The following TG variants were observed in gnomAD, a reference collection of about 807,000 sequenced individuals.
TG encodes thyroid hormones.
In TG, 270 loss-of-function variants were observed where a neutral mutation model predicts 324.7. That is an observed-to-expected ratio of 0.83 (90% CI 0.75 to 0.92). The LOEUF (loss-of-function observed/expected upper bound fraction) is 0.92. TG is among the 40% of genes least tolerant of loss of function. The probability of loss-of-function intolerance (pLI) is 0.00; values close to 1 mark genes in which losing one functional copy is unlikely to be tolerated. For synonymous variants in TG, 1,401 were observed against 1,327.0 expected (o/e 1.06, Z -1.21); for missense variants, 3,591 against 3,456.4 (o/e 1.04, Z -0.98).
chr8:133,033,584 G>T (rs1216981809), intron 41 of TG, among the ~76,000 whole-genome samples: 1 of 152,118 alleles, frequency 6.6e-6, no homozygotes, highest in African/African-American at 2.4e-5. Context: ...CTCCATTCCT[G>T]CATGAATCCT....
chr8:132,950,760 C>G (rs1825994636), intron 27 of TG, among the ~76,000 whole-genome samples: 1 of 152,138 alleles, frequency 6.6e-6, no homozygotes, highest in South Asian at 2.1e-4. Flanking sequence ...GACAGTAATA[C>G]CAGTACCCAT....
chr8:132,869,842 G>A lies in TG; in HGVS notation c.274+16G>A, dbSNP rs1044313916. The A allele has an allele frequency of 1.2e-6, 2 of 1,611,706 alleles. No individual in the cohort carries two copies. The highest frequency in any genetic ancestry group is 2.7e-5 in the African/African-American group (2 of 74,872). On this transcript the variant is annotated intron_variant, in intron 3 of 47. Coordinates refer to ENST00000220616, the MANE Select transcript of TG (RefSeq NM_003235.5). ...CCTGTGGCTTGTAAGTGGGAGTGGGGGACGTCCCTTGGAGGGACCCTGCTA... is the reference window on the plus strand; with the variant it reads ...CCTGTGGCTTGTAAGTGGGAGTGGGAGACGTCCCTTGGAGGGACCCTGCTA...
intron 41 of TG, among the ~76,000 whole-genome samples, chr8:133,061,646 G>A (rs1842381704): frequency 6.6e-6 from 1 of 152,162 alleles, no homozygotes; most frequent in Non-Finnish European, 1.5e-5. Context: ...AGACGGAACA[G>A]GGTCCCCCCA....
chr8:133,100,614 G>A (rs549319465), intron 43 of TG, among the ~76,000 whole-genome samples: 19 of 152,278 alleles, frequency 1.2e-4, no homozygotes, highest in African/African-American at 4.1e-4. Context: ...TTTTCAGAGA[G>A]AAACCAGAAT....
chr8:132,871,567 C>CG lies in TG; in HGVS notation c.478+17dup, dbSNP rs1563887698. 1 of 1,610,556 alleles carries CG rather than the reference C, an allele frequency of 6.2e-7. No homozygotes were observed. The highest frequency in any genetic ancestry group is 2.2e-5 in the East Asian group (1 of 44,804). The stretch of plus-strand genomic sequence containing the variant: ...CCAAAGCGATGTGAGTTTCACTGAG[C>CG]GCCTGCACCCCTAGAGCTGGGGAGG... On this transcript the variant is annotated intron_variant, in intron 4 of 47. Transcript: ENST00000220616.
chr8:132,887,633 C>A (rs763247379), intron 9 of TG, 85 bp downstream of exon 9: 318 of 1,572,946 alleles, frequency 2.0e-4, no homozygotes, highest in Non-Finnish European at 2.7e-4. Flanking sequence ...TAGAAATCCA[C>A]TCCTGGCCAA....
At chr8:133,049,897 C>T (rs750311979) in intron 41 of TG, 1 of 1,581,128 alleles carries the variant, frequency 6.3e-7, no homozygotes, top group Non-Finnish European at 8.7e-7. Flanking sequence ...GAGAAATGTA[C>T]TCACCCATGG....
chr8:132,911,582 A>T, intron 19 of TG, 49 bp downstream of exon 19: 1 of 1,531,378 alleles, frequency 6.5e-7, no homozygotes. Flanking sequence ...AGCCTCTCTG[A>T]GTCTCAGTTT....
rs1381779136 is a variant in TG at position 133,050,043 on chromosome 8, G to T, written c.7239+20020G>T. 8 of 1,123,190 alleles carry T rather than the reference G, an allele frequency of 7.1e-6. No individual in the cohort carries two copies. The East Asian group carries it at 1.9e-4, about 26-fold the overall frequency. The allele number at this position is 1,123,190 out of a possible 1,614,324, so 69.6% of individuals were successfully genotyped here. On this transcript the variant is annotated intron_variant, in intron 41 of 47. Transcript: ENST00000220616. The stretch of plus-strand genomic sequence containing the variant: ...GAGATAGGTAAATAGCAAAACCAAA[G>T]GATGAATGAACAGAGTAATCAGATT...
chr8:132,981,289 A>G (rs1042815772), intron 34 of TG, among the ~76,000 whole-genome samples: 6 of 152,228 alleles, frequency 3.9e-5, no homozygotes, highest in Non-Finnish European at 1.5e-5. Context: ...TTCAGCATTT[A>G]TGTAGTTGCC....
chr8:133,026,927 T>C (rs1238240045), intron 40 of TG, among the ~76,000 whole-genome samples: 1 of 152,224 alleles, frequency 6.6e-6, no homozygotes, highest in Non-Finnish European at 1.5e-5. Flanking sequence ...CACTGTTCTG[T>C]TCCCCTTACA....
At position 133,051,371 on chromosome 8, in the gene TG, C is replaced by T. The variant is rs192527367; in HGVS notation, c.7239+21348C>T. Among the ~76,000 whole-genome samples the T allele has an allele frequency of 3.3e-5, 5 of 152,280 alleles. No individual in the cohort carries two copies. The East Asian group carries it at 7.7e-4, about 23-fold the overall frequency. On this transcript the variant is annotated intron_variant, in intron 41 of 47. Coordinates refer to ENST00000220616, the MANE Select transcript of TG (RefSeq NM_003235.5). ...ACCCCCCTTCTCACTACCAATGCCT[C>T]GGGTGTCCACTCTGGGACTCAGAGT...
rs71518145 is a variant in TG, at chr8:132,999,317, T to TA, written c.6263-12573dup. ...TTTCATCCTATCAAATAAGAATAAT[T>TA]AAAAAAAAAAACTAGAATCTATTCT... On this transcript the variant is annotated intron_variant, in intron 35 of 47. Coordinates refer to ENST00000220616, the MANE Select transcript of TG (RefSeq NM_003235.5). Among the ~76,000 whole-genome samples the TA allele has an allele frequency of 1.7e-3, 249 of 149,376 alleles. 1 individual carries two copies. Among genetic ancestry groups the TA allele is most frequent in the East Asian group, 3.7e-3 (19 of 5,072 alleles).
In TG at chr8:132,956,306, A is replaced by G. The variant is rs559862262; in HGVS notation, c.5402-4702A>G. Among the ~76,000 whole-genome samples the G allele has an allele frequency of 4.8e-4, 73 of 152,270 alleles. 1 individual carries two copies. In the South Asian group the frequency reaches 0.015, roughly 31 times the overall value. ...CCTTGCATTTATTTATATACTGAACACCAGCTCTGTGCCAAGAATTGTGCT... is the reference window on the plus strand; with the variant it reads ...CCTTGCATTTATTTATATACTGAACGCCAGCTCTGTGCCAAGAATTGTGCT... On this transcript the variant is annotated intron_variant, in intron 27 of 47. Coordinates refer to ENST00000220616, the MANE Select transcript of TG (RefSeq NM_003235.5).
At chr8:133,064,039 TG>T (rs1324874104) in intron 41 of TG, 1 of 152,252 alleles carries the variant, frequency 6.6e-6, no homozygotes, top group Non-Finnish European at 1.5e-5. Flanking sequence ...TGCAAATTCT[TG>T]ATTTCTTTCT....
intron 41 of TG, chr8:133,040,069 G>A (rs1331071108): frequency 2.6e-6 from 4 of 1,556,498 alleles, no homozygotes; most frequent in Non-Finnish European, 3.5e-6. Flanking sequence ...TCACTGCTGG[G>A]GCAGCCGTGC....
chr8:133,031,153 A>ACTTTCTGT (rs1320363587), intron 41 of TG, among the ~76,000 whole-genome samples: 2 of 151,718 alleles, frequency 1.3e-5, no homozygotes, highest in African/African-American at 4.8e-5. Flanking sequence ...GGTAACCACT[A>ACTTTCTGT]CTCTACTTTC....
chr8:132,926,832 A>T (rs77378193), intron 22 of TG, among the ~76,000 whole-genome samples: 4,264 of 152,276 alleles, frequency 0.028, 216 homozygotes, highest in African/African-American at 0.098. Context: ...TGGTGGTGGC[A>T]TCAGGACTCG....
rs1244764731 is a variant in TG at position 132,967,942 on chromosome 8, G to C, written c.5835G>C (p.Gln1945His). The change falls in exon 31 of 48, where the codon CAG (glutamine) becomes CAC (histidine). Residue 1945 changes from glutamine to histidine, a missense_variant. By Grantham distance (24) the Gln-to-His change is conservative. Coordinates refer to ENST00000220616, the MANE Select transcript of TG (RefSeq NM_003235.5). ...NAQGCRLILP[Q>H]MPKALFRKKV... ...AGGGCTGCAGACTGATCCTGCCTCA[G>C]ATGCCAAAGGCCCTGTTCCGGAAGA... 7 of 1,613,736 alleles carry C rather than the reference G, an allele frequency of 4.3e-6. No homozygotes were observed. The highest frequency in any genetic ancestry group is 5.9e-6 in the Non-Finnish European group (7 of 1,179,906).
Sources: gnomAD v4.1 joint callset for allele counts (sites outside exome capture counted in the v4.1 genomes callset) on GRCh38, gnomAD v4.1.1 for gene constraint, MANE v1.5 for transcripts, NCBI Gene and HGNC (gene_info 2026-07-23, HGNC 2026-07-21) for gene names.